The following POU2F1 variants were observed in gnomAD, a reference collection of about 807,000 sequenced individuals.
POU2F1 encodes POU class 2 homeobox 1.
POU2F1 carries 16 observed loss-of-function variants against 84.9 expected under a neutral mutation model. The ratio of observed to expected loss-of-function variants is 0.19; its 90% CI spans 0.13 to 0.29. POU2F1 has a LOEUF of 0.29. POU2F1 is among the 10% of genes least tolerant of loss of function. The pLI is 1.00. For synonymous variants in POU2F1, 368 were observed against 368.3 expected, an observed-to-expected ratio of 1.00 and a Z score of 0.01; for missense variants, 738 against 942.6, an observed-to-expected ratio of 0.78 and a Z score of 2.84.
At chr1:167,249,079 C>A (rs1356553349) in intron 1 of POU2F1, among the ~76,000 whole-genome samples, 3 of 152,166 alleles carry the variant, frequency 2.0e-5, no homozygotes, top group East Asian at 1.9e-4. Flanking sequence ...TCAATTAATT[C>A]TTCTTACTGA....
rs6667875 is a variant in POU2F1 at position 167,256,934 on chromosome 1, C to G, written c.61+35976C>G. Reference sequence around the variant, plus strand: ...GAGATACTTATAAAGCAGTAAAAACCTGTCCGAATGTGACTGTACCTTTTC... The same window carrying G: ...GAGATACTTATAAAGCAGTAAAAACGTGTCCGAATGTGACTGTACCTTTTC... On this transcript the variant is annotated intron_variant, in intron 1 of 15. Coordinates refer to ENST00000367866, the MANE Select transcript of POU2F1 (RefSeq NM_002697.4). Among the ~76,000 whole-genome samples, 3 of 152,030 alleles carry G rather than the reference C, an allele frequency of 2.0e-5. No individual in the cohort carries two copies. In the East Asian group the frequency reaches 5.8e-4, roughly 29 times the overall value.
chr1:167,377,263 C>T (rs1660389177), intron 7 of POU2F1, among the ~76,000 whole-genome samples: 6 of 152,174 alleles, frequency 3.9e-5, no homozygotes, highest in Admixed American at 3.9e-4. Context: ...AATCCTATAG[C>T]TTAGTGCTTC....
At chr1:167,296,603 A>G (rs915234312) in intron 1 of POU2F1, among the ~76,000 whole-genome samples, 11 of 152,236 alleles carry the variant, frequency 7.2e-5, no homozygotes, top group African/African-American at 2.2e-4. Context: ...TTAGGAAAGT[A>G]AAGAATTCAG....
At position 167,229,146 on chromosome 1, in the gene POU2F1, A is replaced by G. The variant is rs561628835; in HGVS notation, c.61+8188A>G. Among the ~76,000 whole-genome samples, 10 of 147,688 alleles carry G rather than the reference A, an allele frequency of 6.8e-5. No homozygotes were observed. The East Asian group carries it at 8.1e-4, about 12-fold the overall frequency. ...AGAGTTTGGATTTTATTTGCTAGGC[A>G]GTAGGAAGTCACTGAATTTTTTTTT... On this transcript the variant is annotated intron_variant, in intron 1 of 15. Transcript: ENST00000367866.
intron 1 of POU2F1, among the ~76,000 whole-genome samples, chr1:167,300,215 G>A (rs1654585043): frequency 6.6e-6 from 1 of 152,162 alleles, no homozygotes; most frequent in African/African-American, 2.4e-5. Flanking sequence ...TAAACATGGG[G>A]TAGGTACCAC....
Position 167,220,922 on chromosome 1 carries a change from C to T in POU2F1, c.25C>T (p.Gln9Ter). ...AATGGCGGACGGAGGAGCAGCGAGT[C>T]AAGATGAGAGTTCAGCCGCGGCGGC... MADGGAAS[Q>*]DESSAAAAAA... The change falls in exon 1 of 16, where the codon CAA (glutamine) becomes TAA (stop). Residue 9 changes from glutamine to a stop codon, truncating the protein, a stop_gained. Transcript: ENST00000367866. LOFTEE classifies it high-confidence loss of function. 3.3e-6 allele frequency: 5 copies of T among 1,535,192 alleles called. No homozygotes were observed. The highest frequency in any genetic ancestry group is 2.4e-5 in the East Asian group (1 of 40,888).
At chr1:167,305,100 C>G (rs1654972827) in intron 1 of POU2F1, among the ~76,000 whole-genome samples, 1 of 152,134 alleles carries the variant, frequency 6.6e-6, no homozygotes, top group Non-Finnish European at 1.5e-5. Context: ...CTGTCTCATT[C>G]CCTGAAGTTC....
intron 1 of POU2F1, among the ~76,000 whole-genome samples, chr1:167,222,886 C>A (rs1648344988): frequency 6.6e-6 from 1 of 152,086 alleles, no homozygotes; most frequent in South Asian, 2.1e-4. Context: ...GATGGGTACC[C>A]CGGTTGCTCC....
chr1:167,389,503 G>A (rs1648231195), intron 8 of POU2F1, 85 bp from the exon 9 acceptor site: 1 of 1,437,864 alleles, frequency 7.0e-7, no homozygotes, highest in Non-Finnish European at 9.6e-7. Context: ...CATAAATGTG[G>A]CTCTTTCCTT....
At chr1:167,278,221 C>G (rs1454830731) in intron 1 of POU2F1, among the ~76,000 whole-genome samples, 1 of 152,166 alleles carries the variant, frequency 6.6e-6, no homozygotes, top group African/African-American at 2.4e-5. Context: ...TAGTCAATTT[C>G]CATTTCATTC....
intron 2 of POU2F1, among the ~76,000 whole-genome samples, chr1:167,336,650 G>A (rs1657472917): frequency 6.6e-6 from 1 of 152,026 alleles, no homozygotes; most frequent in South Asian, 2.1e-4. Flanking sequence ...TAAAAAAAAA[G>A]AAAAGGAAAT....
intron 1 of POU2F1, among the ~76,000 whole-genome samples, chr1:167,234,075 A>G (rs1649274017): frequency 6.6e-6 from 1 of 152,206 alleles, no homozygotes; most frequent in African/African-American, 2.4e-5. Flanking sequence ...AGTTAAGATC[A>G]TTATCAGGCT....
chr1:167,319,702 T>C (rs530957634), intron 1 of POU2F1, among the ~76,000 whole-genome samples: 4 of 151,972 alleles, frequency 2.6e-5, no homozygotes, highest in African/African-American at 9.7e-5. Flanking sequence ...AAGACTCTCC[T>C]GATTGGCATG....
At chr1:167,258,920 A>G (rs948805875) in intron 1 of POU2F1, among the ~76,000 whole-genome samples, 3 of 152,190 alleles carry the variant, frequency 2.0e-5, no homozygotes, top group African/African-American at 7.2e-5. Flanking sequence ...TGCAAAAACT[A>G]TTCTTGGCTT....
At chr1:167,285,216 A>G (rs892832286) in intron 1 of POU2F1, among the ~76,000 whole-genome samples, 2 of 152,216 alleles carry the variant, frequency 1.3e-5, no homozygotes, top group Non-Finnish European at 1.5e-5. Context: ...AGGGAATCAC[A>G]TTTAAGCCTA....
intron 1 of POU2F1, among the ~76,000 whole-genome samples, chr1:167,269,734 G>A (rs1272956091): frequency 1.3e-5 from 2 of 152,092 alleles, no homozygotes; most frequent in Non-Finnish European, 2.9e-5. Context: ...CCAACATGGC[G>A]AAACCTTGTC....
intron 5 of POU2F1, among the ~76,000 whole-genome samples, chr1:167,372,509 C>T (rs558085899): frequency 2.6e-5 from 4 of 152,284 alleles, no homozygotes; most frequent in East Asian, 1.9e-4. Context: ...TGCAACTTAC[C>T]GTATGGCCTA....
intron 1 of POU2F1, among the ~76,000 whole-genome samples, chr1:167,245,244 T>C (rs1231339534): frequency 1.4e-5 from 2 of 141,770 alleles, no homozygotes; most frequent in African/African-American, 5.2e-5. Flanking sequence ...CTCAAATTTC[T>C]TTTTTTTTTT....
At chr1:167,229,826 C>G (rs1648924467) in intron 1 of POU2F1, among the ~76,000 whole-genome samples, 2 of 152,136 alleles carry the variant, frequency 1.3e-5, no homozygotes, top group East Asian at 1.9e-4. Context: ...AATGGACACT[C>G]CTAATACTCT....
Sources: gnomAD v4.1 joint callset for allele counts (sites outside exome capture counted in the v4.1 genomes callset) on GRCh38, gnomAD v4.1.1 for gene constraint, MANE v1.5 for transcripts, NCBI Gene and HGNC (gene_info 2026-07-23, HGNC 2026-07-21) for gene names.